Variants in NFATC4 observed in about 807,000 individuals in gnomAD.
NFATC4 encodes the protein nuclear factor of activated T cells 4, also known as nuclear factor of activated T-cells, cytoplasmic 4.
NFATC4 carries 25 observed loss-of-function variants against 73.4 expected under a neutral mutation model. The ratio of observed to expected loss-of-function variants is 0.34; its 90% CI spans 0.25 to 0.48. The LOEUF (loss-of-function observed/expected upper bound fraction) is 0.48. Among genes scored for constraint, NFATC4 ranks in the 20% least tolerant of loss-of-function variants. The pLI, the probability that NFATC4 is intolerant of heterozygous loss-of-function variation, is 0.99. For missense variants in NFATC4, 1,130 were observed against 1,203.7 expected (o/e 0.94, Z 0.91); for synonymous variants, 523 against 510.3 (o/e 1.02, Z -0.34).
At position 24,368,193 on chromosome 14, in the gene NFATC4, C is replaced by A. The variant is rs1254493478; in HGVS notation, c.-148C>A. On this transcript the variant is annotated 5_prime_UTR_variant, in exon 1 of 10. Coordinates refer to ENST00000250373, the MANE Select transcript of NFATC4 (RefSeq NM_004554.5). The stretch of plus-strand genomic sequence containing the variant: ...AAGTTTGGAAAAGTTTCTATAATAA[C>A]GAGGGGGCTTCTGGAGGGAGGCGGC... 7 of 1,264,506 alleles carry A rather than the reference C, an allele frequency of 5.5e-6. No homozygotes were observed. In the East Asian group the frequency reaches 1.6e-4, roughly 29 times the overall value. The allele number at this position is 1,264,506 out of a possible 1,614,324, so 78.3% of individuals were successfully genotyped here.
At chr14:24,371,428 C>T (rs1284928330) in intron 2 of NFATC4, among the ~76,000 whole-genome samples, 1 of 152,222 alleles carries the variant, frequency 6.6e-6, no homozygotes, top group Non-Finnish European at 1.5e-5. Context: ...TAGTAGCACC[C>T]ACTCCCCTAG....
At chr14:24,367,235 T>C, upstream of NFATC4, 1 of 1,568,364 alleles carries the variant, frequency 6.4e-7, no homozygotes, top group African/African-American at 1.4e-5. Flanking sequence ...TCCAGCCTGT[T>C]GGGGGCGGGG....
intron 2 of NFATC4, among the ~76,000 whole-genome samples, chr14:24,371,053 C>T (rs1039380731): frequency 8.5e-5 from 13 of 152,214 alleles, no homozygotes; most frequent in Admixed American, 2.0e-4. Flanking sequence ...TCCTTAATTT[C>T]TAGAGCCTGA....
intron 1 of NFATC4, 67 bp downstream of exon 1, chr14:24,368,507 G>A: frequency 8.2e-7 from 1 of 1,222,146 alleles, no homozygotes. Context: ...TGAGTCTGGG[G>A]AATTTAAGGC....
At chr14:24,366,955 G>T, upstream of NFATC4, 1 of 1,558,160 alleles carries the variant, frequency 6.4e-7, no homozygotes, top group South Asian at 1.2e-5. Context: ...TTAGTTGCTG[G>T]GATGGGGCGG....
intron 1 of NFATC4, 35 bp downstream of exon 1, chr14:24,368,475 G>C: frequency 4.0e-6 from 5 of 1,260,688 alleles, no homozygotes; most frequent in Non-Finnish European, 5.0e-6. Context: ...CTTGGGGTCA[G>C]TGAGAGGAGG....
intron 3 of NFATC4, 41 bp downstream of exon 3, chr14:24,372,644 C>G: frequency 6.2e-7 from 1 of 1,611,252 alleles, no homozygotes; most frequent in Non-Finnish European, 8.5e-7. Flanking sequence ...CTCTCCTCTC[C>G]CAGATAGGTT....
chr14:24,377,783 G>A lies in NFATC4; in HGVS notation c.*78G>A. On this transcript the variant is annotated 3_prime_UTR_variant, in exon 10 of 10. Coordinates refer to ENST00000250373, the MANE Select transcript of NFATC4 (RefSeq NM_004554.5). This position sits in a 1 kb window ranked among gnomAD's most constrained non-coding sequence, Gnocchi z 4.2. ...CCCTTTCCCTCCTTCCTGGAGTGGTGGCTACAGAAGCTTGGGGCCAACCCT... is the reference window on the plus strand; with the variant it reads ...CCCTTTCCCTCCTTCCTGGAGTGGTAGCTACAGAAGCTTGGGGCCAACCCT... 1 of 1,608,480 alleles carries A rather than the reference G, an allele frequency of 6.2e-7. No homozygotes were observed. The highest frequency in any genetic ancestry group is 8.5e-7 in the Non-Finnish European group (1 of 1,176,548).
intron 7 of NFATC4, 49 bp from the exon 8 acceptor site, chr14:24,375,926 T>A (rs778383230): frequency 1.2e-6 from 2 of 1,612,382 alleles, no homozygotes; most frequent in Admixed American, 3.3e-5. Flanking sequence ...AAGGCTGGGC[T>A]AAGCCCAGAT....
In NFATC4 at chr14:24,376,695, C is replaced by T; in HGVS notation, c.2458C>T (p.Pro820Ser). The T allele has an allele frequency of 1.2e-6, 2 of 1,613,800 alleles. No homozygotes were observed. The highest frequency in any genetic ancestry group is 1.7e-6 in the Non-Finnish European group (2 of 1,179,920). The change falls in exon 9 of 10, where the codon CCA becomes TCA. Residue 820 changes from proline (P) to serine (S), a missense_variant. Physicochemically the swap from Pro to Ser is moderately conservative, Grantham distance 74 (BLOSUM62 -1). Around this residue, in one of 3 missense-constraint regions of NFATC4, gnomAD observed 390 missense variants for 408.1 expected, o/e 0.96. Coordinates refer to ENST00000250373, the MANE Select transcript of NFATC4 (RefSeq NM_004554.5). This position sits in a 1 kb window ranked among gnomAD's most constrained non-coding sequence, Gnocchi z 5.0. Reference sequence around the variant, plus strand: ...TCGGCCGCCTCCTCTTCCTGCATCCCCACCGCTTGAAGGCCCCTTCCCTTC... The same window carrying T: ...TCGGCCGCCTCCTCTTCCTGCATCCTCACCGCTTGAAGGCCCCTTCCCTTC... ...PFRPPPLPAS[P>S]PLEGPFPSQS... is the part of the protein sequence containing the mutation.
chr14:24,369,623 G>A lies in NFATC4; in HGVS notation c.225G>A (p.Pro75=), dbSNP rs757572565. The change falls in exon 2 of 10, where the codon CCG becomes CCA. Residue 75 remains proline, a synonymous_variant. Transcript: ENST00000250373. Reference sequence around the variant, plus strand: ...CTCGGCCTGGCATGCATTCGCCACCGCCGCGACCAGCCCCCTCACCTGGCA... The same window carrying A: ...CTCGGCCTGGCATGCATTCGCCACCACCGCGACCAGCCCCCTCACCTGGCA... ...PPPRPGMHSP[P]PRPAPSPGTW... is the part of the protein sequence containing the mutation. 8 of 1,613,010 alleles carry A rather than the reference G, an allele frequency of 5.0e-6. No individual in the cohort carries two copies. The highest frequency in any genetic ancestry group is 1.7e-5 in the Admixed American group (1 of 60,002).
chr14:24,369,724 G>A lies in NFATC4; in HGVS notation c.326G>A (p.Arg109His), dbSNP rs770696760. ...GGTGCTGGGGGTGCTGGGGGTGGCCGTGTTCTCGAGTGTCCCAGCATCCGC... is the reference window on the plus strand; with the variant it reads ...GGTGCTGGGGGTGCTGGGGGTGGCCATGTTCTCGAGTGTCCCAGCATCCGC... ...GGGAGGAGGG[R>H]VLECPSIRIT... The change falls in exon 2 of 10, where the codon CGT becomes CAT. Residue 109 changes from arginine (R) to histidine (H), a missense_variant. By Grantham distance (29) the Arg-to-His change is conservative. Transcript: ENST00000250373. 4 of 1,608,652 alleles carry A rather than the reference G, an allele frequency of 2.5e-6. No individual in the cohort carries two copies. The highest frequency in any genetic ancestry group is 1.7e-5 in the Admixed American group (1 of 59,432).
Position 24,376,429 on chromosome 14 carries a change from C to A in NFATC4, c.2192C>A (p.Ala731Asp). 1 of 1,613,822 alleles carries A rather than the reference C, an allele frequency of 6.2e-7. No individual in the cohort carries two copies. The highest frequency in any genetic ancestry group is 8.5e-7 in the Non-Finnish European group (1 of 1,179,878). The change falls in exon 9 of 10, where the codon GCT becomes GAT. Residue 731 changes from alanine to aspartate, a missense_variant. Coordinates refer to ENST00000250373, the MANE Select transcript of NFATC4 (RefSeq NM_004554.5). This position sits in a 1 kb window ranked among gnomAD's most constrained non-coding sequence, Gnocchi z 5.0. ...CCCTCCTATCCCCATGAAGACCCTG[C>A]TTGCGAAACTCCTTACCTATCAGAA... is the stretch of plus-strand genomic sequence containing the variant. ...PYPSYPHEDPACETPYLSEGF... is the reference protein window; with the variant it reads ...PYPSYPHEDPDCETPYLSEGF...
upstream of NFATC4, chr14:24,367,004 C>G (rs1042432893): frequency 4.4e-6 from 7 of 1,608,332 alleles, no homozygotes; most frequent in African/African-American, 8.0e-5. Flanking sequence ...GATTTAGAGA[C>G]TGGAGACGCG....
At chr14:24,372,863 T>C (rs1305356374) in intron 3 of NFATC4, 5 of 604,692 alleles carry the variant, frequency 8.3e-6, no homozygotes, top group African/African-American at 7.4e-5. Context: ...CCGCCAGATA[T>C]GGGGGAGGGT....
In NFATC4 at chr14:24,373,920, G is replaced by C. The variant is rs780261317; in HGVS notation, c.1732+53G>C. The C allele has an allele frequency of 2.2e-5, 34 of 1,554,632 alleles. No homozygotes were observed. Among genetic ancestry groups the C allele is most frequent in the Non-Finnish European group, 3.0e-5 (34 of 1,137,684 alleles). On this transcript the variant is annotated intron_variant, in intron 5 of 9. Transcript: ENST00000250373. This position sits in a 1 kb window ranked among gnomAD's most constrained non-coding sequence, Gnocchi z 4.7. ...TCTGTCTCTTGCAACTCTTTTGTCT[G>C]TGTGTGTGTGTCTGTCTGCCCATTC...
In NFATC4 at chr14:24,376,570, C is replaced by A. The variant is rs751912577; in HGVS notation, c.2333C>A (p.Pro778His). 5.0e-6 allele frequency: 8 copies of A among 1,613,940 alleles called. No homozygotes were observed. In the East Asian group the frequency reaches 1.8e-4, roughly 36 times the overall value. Residue 778 changes from proline (P) to histidine (H), a missense_variant, in exon 9 of 10, where the codon CCT (proline) becomes CAT (histidine). By Grantham distance (77) the Pro-to-His change is moderately conservative. This residue lies in a region of NFATC4 where 390 missense variants were observed against 408.1 expected (regional missense o/e 0.96). Coordinates refer to ENST00000250373, the MANE Select transcript of NFATC4 (RefSeq NM_004554.5). The surrounding 1 kb of genome is among the most constrained non-coding windows in gnomAD (Gnocchi z 5.0). ...GGTACCACAGGTTGTGCCCAACCACCTGCAGTTTCCTTCCTTCCCCGCCCC... is the reference window on the plus strand; with the variant it reads ...GGTACCACAGGTTGTGCCCAACCACATGCAGTTTCCTTCCTTCCCCGCCCC... ...TRGTTGCAQP[P>H]AVSFLPRPFP... is the part of the protein sequence containing the mutation.
chr14:24,377,124 A>C lies in NFATC4; in HGVS notation c.2641+246A>C. On this transcript the variant is annotated intron_variant, in intron 9 of 9. Transcript: ENST00000250373. This position sits in a 1 kb window ranked among gnomAD's most constrained non-coding sequence, Gnocchi z 4.2. ...GTCTCTGCCTCTGTCCTCTGCTCCAAATCATAAAATCTCAGAGCTAGAAGC... is the reference window on the plus strand; with the variant it reads ...GTCTCTGCCTCTGTCCTCTGCTCCACATCATAAAATCTCAGAGCTAGAAGC... The C allele has an allele frequency of 2.3e-6, 3 of 1,294,308 alleles. No homozygotes were observed. The South Asian group carries it at 9.0e-5, about 39-fold the overall frequency. 80.2% of individuals were successfully genotyped at this position (1,294,308 alleles called of 1,614,324 possible).
chr14:24,376,500 C>T lies in NFATC4; in HGVS notation c.2263C>T (p.Pro755Ser). 1 of 1,613,764 alleles carries T rather than the reference C, an allele frequency of 6.2e-7. No individual in the cohort carries two copies. The highest frequency in any genetic ancestry group is 8.5e-7 in the Non-Finnish European group (1 of 1,179,852). ...CCCTCTGTACCCCCAGACGGGGCCC[C>T]CACCATCCTACAGACCGGGCCTGCG... The part of the protein sequence containing the change: ...MPPLYPQTGP[P>S]PSYRPGLRMF... Residue 755 changes from proline (P) to serine (S), a missense_variant, in exon 9 of 10, where the codon CCA (proline) becomes TCA (serine). Pro to Ser is a moderately conservative substitution (Grantham distance 74). This residue lies in a region of NFATC4 where 390 missense variants were observed against 408.1 expected (regional missense o/e 0.96). Transcript: ENST00000250373. The surrounding 1 kb of genome is among the most constrained non-coding windows in gnomAD (Gnocchi z 5.0).
Sources: allele counts gnomAD v4.1 joint callset (sites outside exome capture counted in the v4.1 genomes callset), GRCh38; gene constraint gnomAD v4.1.1; regional missense constraint gnomAD v4.1.1; non-coding constraint Gnocchi (gnomAD v3.1); transcripts MANE v1.5; gene names NCBI Gene and HGNC (gene_info 2026-07-23, HGNC 2026-07-21).